The following MSRA variants were observed in gnomAD, a reference collection of about 807,000 sequenced individuals.
The protein encoded by MSRA is methionine sulfoxide reductase A.
In MSRA, 54 loss-of-function variants were observed where a neutral mutation model predicts 31.3. The ratio of observed to expected loss-of-function variants is 1.73; its 90% CI spans 1.39 to 2.17. The LOEUF (loss-of-function observed/expected upper bound fraction) is 2.17, where lower values mean the gene tolerates loss of function less well. MSRA is among the 30% of genes most tolerant of loss of function. MSRA has a pLI of 0.00. For synonymous variants in MSRA, 169 were observed against 116.5 expected (o/e 1.45, Z -2.90); for missense variants, 507 against 300.9 (o/e 1.69, Z -5.07).
chr8:10,220,936 A>G (rs936686636), intron 2 of MSRA, among the ~76,000 whole-genome samples: 2 of 152,178 alleles, frequency 1.3e-5, no homozygotes, highest in African/African-American at 4.8e-5. Flanking sequence ...AGTGACAGCT[A>G]CCTGAGGACA....
chr8:10,232,233 A>G (rs926259499), intron 2 of MSRA, among the ~76,000 whole-genome samples: 4 of 152,202 alleles, frequency 2.6e-5, no homozygotes, highest in African/African-American at 9.7e-5. Flanking sequence ...GTAACTGCAC[A>G]TGTTCTAATG....
chr8:10,254,736 T>G (rs868564055), intron 3 of MSRA, among the ~76,000 whole-genome samples: 2 of 152,244 alleles, frequency 1.3e-5, no homozygotes, highest in Non-Finnish European at 2.9e-5. Context: ...TAAGACTGTC[T>G]CCTTCTAAGC....
intron 1 of MSRA, among the ~76,000 whole-genome samples, chr8:10,098,974 G>A (rs1799358256): frequency 6.6e-6 from 1 of 152,218 alleles, no homozygotes; most frequent in Non-Finnish European, 1.5e-5. Context: ...AAAGGAGGAA[G>A]ATAAGGCCCC....
chr8:10,109,354 T>A (rs1048513054), intron 1 of MSRA, among the ~76,000 whole-genome samples: 4 of 150,466 alleles, frequency 2.7e-5, no homozygotes, highest in African/African-American at 5.0e-5. Context: ...TTTTTTTTTT[T>A]ATTTGGAGAT....
chr8:10,186,573 C>A (rs1035668930), intron 1 of MSRA, among the ~76,000 whole-genome samples: 1 of 152,188 alleles, frequency 6.6e-6, no homozygotes, highest in African/African-American at 2.4e-5. Flanking sequence ...TTTTGCCAAT[C>A]CCCTGTTCTA....
chr8:10,231,701 A>G (rs1050145724), intron 2 of MSRA, among the ~76,000 whole-genome samples: 3 of 152,108 alleles, frequency 2.0e-5, no homozygotes, highest in Admixed American at 1.3e-4. Context: ...TCAGGAGTTC[A>G]AGACCAGCCT....
chr8:10,385,424 ACT>A (rs997545093), intron 5 of MSRA, among the ~76,000 whole-genome samples: 1 of 152,076 alleles, frequency 6.6e-6, no homozygotes, highest in African/African-American at 2.4e-5. Flanking sequence ...TCAAAGTGAG[ACT>A]CTGTCAGAAT....
At chr8:10,165,374 A>T (rs1293779602) in intron 1 of MSRA, among the ~76,000 whole-genome samples, 2 of 152,002 alleles carry the variant, frequency 1.3e-5, no homozygotes, top group Non-Finnish European at 2.9e-5. Context: ...AAACAAACAA[A>T]CAAAAAACTG....
rs1437328765 is a variant in MSRA, at chr8:10,054,506, G to A, written c.-11G>A. The stretch of plus-strand genomic sequence containing the variant: ...CGTCCCCCGGGACCACCCTTCGGCT[G>A]GCGCCCTCCCATGCTCTCGGCCACC... On this transcript the variant is annotated 5_prime_UTR_variant, in exon 1 of 6. Transcript: ENST00000317173. 1.3e-6 allele frequency: 2 copies of A among 1,570,978 alleles called. No individual in the cohort carries two copies. The highest frequency in any genetic ancestry group is 2.6e-5 in the East Asian group (1 of 38,914).
At chr8:10,124,447 A>G (rs1161458230) in intron 1 of MSRA, among the ~76,000 whole-genome samples, 1 of 152,224 alleles carries the variant, frequency 6.6e-6, no homozygotes, top group Non-Finnish European at 1.5e-5. Context: ...TTAGCAGAAT[A>G]TCTGCTCCCA....
intron 1 of MSRA, among the ~76,000 whole-genome samples, chr8:10,176,987 C>T (rs1321557000): frequency 6.6e-6 from 1 of 152,200 alleles, no homozygotes; most frequent in East Asian, 1.9e-4. Context: ...CACCCAGTTT[C>T]ATAAATGAAG....
intron 5 of MSRA, among the ~76,000 whole-genome samples, chr8:10,386,925 C>G (rs1168587332): frequency 6.0e-5 from 9 of 150,530 alleles, no homozygotes; most frequent in Admixed American, 6.0e-4. Flanking sequence ...AAATTAGCCC[C>G]AAAGGCATGG....
At chr8:10,284,750 C>T (rs1233064436) in intron 3 of MSRA, among the ~76,000 whole-genome samples, 2 of 152,036 alleles carry the variant, frequency 1.3e-5, no homozygotes, top group Non-Finnish European at 2.9e-5. Flanking sequence ...GTGGCTGTGC[C>T]ATGTAACCTC....
chr8:10,321,413 C>A (rs959671700), intron 5 of MSRA, among the ~76,000 whole-genome samples: 3 of 152,010 alleles, frequency 2.0e-5, no homozygotes, highest in Non-Finnish European at 4.4e-5. Flanking sequence ...AAGGTCAGTT[C>A]GACTATGATG....
intron 1 of MSRA, among the ~76,000 whole-genome samples, chr8:10,107,951 A>C (rs2129011924): frequency 6.6e-6 from 1 of 152,300 alleles, no homozygotes; most frequent in East Asian, 1.9e-4. Flanking sequence ...CTTTGCTGTC[A>C]GGAAATTCTT....
chr8:10,285,800 A>G (rs1799904752), intron 3 of MSRA, among the ~76,000 whole-genome samples: 2 of 152,148 alleles, frequency 1.3e-5, no homozygotes, highest in African/African-American at 4.8e-5. Context: ...AAGCTTATCT[A>G]TGTTATCTTA....
intron 5 of MSRA, among the ~76,000 whole-genome samples, chr8:10,333,542 G>C (rs950306437): frequency 2.0e-5 from 3 of 152,138 alleles, no homozygotes; most frequent in Non-Finnish European, 4.4e-5. Context: ...ATGACCTTGG[G>C]TTGTTGACCT....
intron 3 of MSRA, among the ~76,000 whole-genome samples, chr8:10,280,144 TGTA>T (rs1474914386): frequency 1.3e-5 from 2 of 152,212 alleles, no homozygotes; most frequent in African/African-American, 4.8e-5. Flanking sequence ...TTACTGAATC[TGTA>T]GTTATGGCCC....
chr8:10,129,994 C>T (rs775409009), intron 1 of MSRA, among the ~76,000 whole-genome samples: 2 of 152,134 alleles, frequency 1.3e-5, no homozygotes, highest in Non-Finnish European at 2.9e-5. Context: ...GCACCTATCC[C>T]CATCCATCCA....
Sources: allele counts gnomAD v4.1 joint callset (sites outside exome capture counted in the v4.1 genomes callset), GRCh38; gene constraint gnomAD v4.1.1; transcripts MANE v1.5; gene names NCBI Gene and HGNC (gene_info 2026-07-23, HGNC 2026-07-21).